NTN1: variants seen among roughly 807,000 people sequenced by gnomAD.
The protein encoded by NTN1 is netrin 1, also known as netrin-1.
A neutral mutation model predicts 54.2 loss-of-function variants in NTN1; 11 were observed. That is an observed-to-expected ratio of 0.20 (90% CI 0.13 to 0.34). The LOEUF (loss-of-function observed/expected upper bound fraction) is 0.34. Among genes scored for constraint, NTN1 ranks in the 10% least tolerant of loss-of-function variants. NTN1 has a pLI of 1.00. For synonymous variants in NTN1, 371 were observed against 382.0 expected (o/e 0.97, Z 0.33); for missense variants, 740 against 893.1 (o/e 0.83, Z 2.18).
At chr17:9,043,693 G>A (rs989803827) in intron 2 of NTN1, among the ~76,000 whole-genome samples, 2 of 151,622 alleles carry the variant, frequency 1.3e-5, no homozygotes, top group African/African-American at 4.8e-5. Flanking sequence ...TCTTTCTGCT[G>A]CCTCAGCCTC....
intron 2 of NTN1, among the ~76,000 whole-genome samples, chr17:9,152,227 C>T (rs144208574): frequency 1.4e-3 from 214 of 152,288 alleles, no homozygotes; most frequent in African/African-American, 4.9e-3. Context: ...TGAGCGAGAC[C>T]GGGAACCCAC....
chr17:9,084,312 G>T (rs1055263414), intron 2 of NTN1, among the ~76,000 whole-genome samples: 43 of 152,158 alleles, frequency 2.8e-4, no homozygotes, highest in African/African-American at 9.4e-4. Flanking sequence ...ACATGCTGGG[G>T]ATAGCCAGAG....
chr17:9,130,283 G>C (rs1446936495), intron 2 of NTN1, among the ~76,000 whole-genome samples: 2 of 152,164 alleles, frequency 1.3e-5, no homozygotes, highest in African/African-American at 4.8e-5. Context: ...CCAGCTCTCT[G>C]TGTCCCTGCT....
In NTN1 at chr17:9,135,627, GGT is replaced by G. The variant is rs2092278499; in HGVS notation, c.1019-27180_1019-27179del. Among the ~76,000 whole-genome samples, 1 of 152,182 alleles carries G rather than the reference GGT, an allele frequency of 6.6e-6. No individual in the cohort carries two copies. Among genetic ancestry groups the G allele is most frequent in the Non-Finnish European group, 1.5e-5 (1 of 68,040 alleles). On this transcript the variant is annotated intron_variant, in intron 2 of 6. Transcript: ENST00000173229. This position sits in a 1 kb window ranked among gnomAD's most constrained non-coding sequence, Gnocchi z 4.4. ...TGGCCCAGCACTGTTGGGTTCAGCTGGTGTGTGGAGCCTCTGCTTTTTCTGTA... is the reference window on the plus strand; with the variant it reads ...TGGCCCAGCACTGTTGGGTTCAGCTGGTGTGGAGCCTCTGCTTTTTCTGTA...
rs534152844 is a variant in NTN1 at position 9,135,746 on chromosome 17, C to T, written c.1019-27067C>T. Among the ~76,000 whole-genome samples the T allele has an allele frequency of 6.6e-6, 1 of 152,280 alleles. No individual in the cohort carries two copies. Among genetic ancestry groups the T allele is most frequent in the East Asian group, 1.9e-4 (1 of 5,178 alleles). ...GAGTAGGCCTGGTGGGGCACTTGTC[C>T]TTAGAGCCCTTTCCTGGCAATCTGT... On this transcript the variant is annotated intron_variant, in intron 2 of 6. Coordinates refer to ENST00000173229, the MANE Select transcript of NTN1 (RefSeq NM_004822.3). This position sits in a 1 kb window ranked among gnomAD's most constrained non-coding sequence, Gnocchi z 4.4.
At chr17:9,005,869 T>C in the NTN1 span, among the ~76,000 whole-genome samples, 449 of 152,216 alleles carry the variant, frequency 2.9e-3, 2 homozygotes, top group African/African-American at 1.0e-2. Context: ...CCCAGGGGCC[T>C]TCTCTTACCA....
At chr17:9,059,199 A>G (rs1421238330) in intron 2 of NTN1, among the ~76,000 whole-genome samples, 1 of 152,218 alleles carries the variant, frequency 6.6e-6, no homozygotes, top group Non-Finnish European at 1.5e-5. Flanking sequence ...CCTGCCCACA[A>G]ATAACCCTGG....
At chr17:9,237,830 T>G (rs1227800721) in intron 6 of NTN1, among the ~76,000 whole-genome samples, 2 of 152,080 alleles carry the variant, frequency 1.3e-5, no homozygotes, top group African/African-American at 4.8e-5. Flanking sequence ...CCCAGCCACT[T>G]CTCTGGGCTG....
chr17:9,092,150 A>G (rs2092113234), intron 2 of NTN1, among the ~76,000 whole-genome samples: 1 of 151,876 alleles, frequency 6.6e-6, no homozygotes. Flanking sequence ...TCGGCCTCCC[A>G]AAGTGCTGAG....
chr17:9,023,712 C>G (rs1361189878), intron 2 of NTN1, among the ~76,000 whole-genome samples: 1 of 152,258 alleles, frequency 6.6e-6, no homozygotes, highest in Non-Finnish European at 1.5e-5. Flanking sequence ...TTGCCTTCCC[C>G]CTCGTTGGGT....
rs770079080 is a variant in NTN1, at chr17:9,023,312, G to C, written c.939G>C (p.Pro313=). Residue 313 remains proline (P), a synonymous_variant, in exon 2 of 7, where the codon CCG becomes CCC. Coordinates refer to ENST00000173229, the MANE Select transcript of NTN1 (RefSeq NM_004822.3). ...VCDCRHNTAG[P]ECDRCKPFHY... is the part of the protein sequence containing the mutation. ...ACTGCAGGCACAACACGGCCGGCCC[G>C]GAGTGCGACCGCTGCAAGCCCTTCC... 18 of 1,541,214 alleles carry C rather than the reference G, an allele frequency of 1.2e-5. No individual in the cohort carries two copies. In the South Asian group the frequency reaches 2.0e-4, roughly 17 times the overall value.
At chr17:9,183,720 A>C in intron 5 of NTN1, 1 of 185,556 alleles carries the variant, frequency 5.4e-6, no homozygotes, top group Non-Finnish European at 1.1e-5. Context: ...GCAGCATTTC[A>C]GTATTATTAA....
intron 6 of NTN1, among the ~76,000 whole-genome samples, chr17:9,235,603 A>G (rs746485046): frequency 6.6e-6 from 1 of 152,220 alleles, no homozygotes; most frequent in Non-Finnish European, 1.5e-5. Context: ...GAGGCTGCGA[A>G]GTCCAAGATC....
chr17:9,049,263 T>C (rs772016671), intron 2 of NTN1, among the ~76,000 whole-genome samples: 1 of 152,174 alleles, frequency 6.6e-6, no homozygotes, highest in African/African-American at 2.4e-5. Context: ...AAAAATAGAA[T>C]ATTTGCATAA....
chr17:9,103,960 A>T (rs1033853768), intron 2 of NTN1, among the ~76,000 whole-genome samples: 2 of 151,790 alleles, frequency 1.3e-5, no homozygotes, highest in Non-Finnish European at 2.9e-5. Flanking sequence ...GTGATGGTGG[A>T]TGCCTGTAGT....
chr17:9,184,978 T>A (rs1210638840), intron 5 of NTN1, among the ~76,000 whole-genome samples: 1 of 152,268 alleles, frequency 6.6e-6, no homozygotes, highest in Non-Finnish European at 1.5e-5. Flanking sequence ...TTACTGTTTA[T>A]TTCCTTTCCT....
intron 2 of NTN1, among the ~76,000 whole-genome samples, chr17:9,066,175 T>C (rs6503175): frequency 0.32 from 48,106 of 152,088 alleles, 7,840 homozygotes; most frequent in East Asian, 0.48. Flanking sequence ...TAATCCCAGC[T>C]ACTCAGGAAG....
At chr17:9,149,822 C>T (rs1464075680) in intron 2 of NTN1, among the ~76,000 whole-genome samples, 1 of 152,170 alleles carries the variant, frequency 6.6e-6, no homozygotes, top group African/African-American at 2.4e-5. Context: ...AATCCCAGCA[C>T]TTTGGGAGGC....
At chr17:9,094,694 G>T (rs2092124121) in intron 2 of NTN1, among the ~76,000 whole-genome samples, 1 of 152,002 alleles carries the variant, frequency 6.6e-6, no homozygotes, top group Non-Finnish European at 1.5e-5. Context: ...TGAATGGTAA[G>T]AAATAGCATA....
Sources: allele counts gnomAD v4.1 joint callset (sites outside exome capture counted in the v4.1 genomes callset), GRCh38; gene constraint gnomAD v4.1.1; non-coding constraint Gnocchi (gnomAD v3.1); transcripts MANE v1.5; gene names NCBI Gene and HGNC (gene_info 2026-07-23, HGNC 2026-07-21).